SV2B: variants seen among roughly 807,000 people sequenced by gnomAD.
The protein encoded by SV2B is solute carrier family 22 member B2.
A neutral mutation model predicts 73.9 loss-of-function variants in SV2B; 41 were observed. The ratio of observed to expected loss-of-function variants is 0.56; its 90% CI spans 0.43 to 0.72. SV2B has a LOEUF of 0.72. Ranked by LOEUF, SV2B falls within the 30% of genes least tolerant of loss-of-function variation. The pLI is 0.00. For synonymous variants in SV2B, 314 were observed against 314.2 expected, an observed-to-expected ratio of 1.00 and a Z score of 0.01; for missense variants, 764 against 857.8, an observed-to-expected ratio of 0.89 and a Z score of 1.37.
At chr15:91,210,145 A>T (rs113648862) in intron 1 of SV2B, among the ~76,000 whole-genome samples, 1,947 of 152,092 alleles carry the variant, frequency 0.013, 17 homozygotes, top group Non-Finnish European at 0.02. Flanking sequence ...GAATTGGAAC[A>T]CAGTGAGGTG....
chr15:91,171,635 C>G (rs1012404117), intron 1 of SV2B, among the ~76,000 whole-genome samples: 3 of 152,158 alleles, frequency 2.0e-5, no homozygotes, highest in Non-Finnish European at 4.4e-5. Context: ...AACATACAGA[C>G]CCAGCGAAAA....
At position 91,121,579 on chromosome 15, in the gene SV2B, T is replaced by C. The variant is rs1032800379; in HGVS notation, c.-392+21216T>C. Among the ~76,000 whole-genome samples the C allele has an allele frequency of 2.0e-5, 3 of 152,062 alleles. No homozygotes were observed. Among genetic ancestry groups the C allele is most frequent in the Non-Finnish European group, 4.4e-5 (3 of 68,016 alleles). On this transcript the variant is annotated intron_variant, in intron 1 of 12. Transcript: ENST00000394232. This position sits in a 1 kb window ranked among gnomAD's most constrained non-coding sequence, Gnocchi z 4.4. ...TCTGTCTGAAGGTAGACTTGACATG[T>C]GGGCAAACCGAGCAGGGCACCCATT...
At chr15:91,215,817 A>C (rs2046006128) in intron 1 of SV2B, among the ~76,000 whole-genome samples, 1 of 152,220 alleles carries the variant, frequency 6.6e-6, no homozygotes. Context: ...TGTAATAAAT[A>C]ATGTTTTGAT....
chr15:91,148,742 G>T (rs1426311389), intron 1 of SV2B, among the ~76,000 whole-genome samples: 2 of 152,188 alleles, frequency 1.3e-5, no homozygotes, highest in African/African-American at 4.8e-5. Flanking sequence ...AGACCCAGGA[G>T]AGCTGATGGT....
chr15:91,181,333 G>A (rs1339344792), intron 1 of SV2B, among the ~76,000 whole-genome samples: 3 of 152,038 alleles, frequency 2.0e-5, no homozygotes, highest in Admixed American at 1.3e-4. Flanking sequence ...TAGGCTGCTC[G>A]GGGGTCAGGG....
intron 1 of SV2B, among the ~76,000 whole-genome samples, chr15:91,186,716 G>T (rs535372257): frequency 3.9e-5 from 6 of 152,096 alleles, no homozygotes; most frequent in Non-Finnish European, 7.4e-5. Flanking sequence ...AGAAGGCTGT[G>T]GGGGGTGAGG....
At chr15:91,131,661 A>AC (rs1351753485) in intron 1 of SV2B, among the ~76,000 whole-genome samples, 3 of 151,610 alleles carry the variant, frequency 2.0e-5, no homozygotes, top group Non-Finnish European at 2.9e-5. Context: ...GAAAAAAAAA[A>AC]ACAAAAAAAA....
intron 1 of SV2B, among the ~76,000 whole-genome samples, chr15:91,120,601 C>T (rs1376736660): frequency 6.6e-6 from 1 of 151,778 alleles, no homozygotes; most frequent in Non-Finnish European, 1.5e-5. Flanking sequence ...ATCCCTTGAG[C>T]CCGAAAGTTG....
chr15:91,216,795 A>G (rs936099629), intron 1 of SV2B, among the ~76,000 whole-genome samples: 2 of 150,346 alleles, frequency 1.3e-5, no homozygotes, highest in African/African-American at 4.9e-5. Flanking sequence ...AAAGTAAAGC[A>G]TAGCATTAAA....
chr15:91,260,420 G>A lies in SV2B; in HGVS notation c.1008+11G>A, dbSNP rs1445638601. 3 of 1,591,402 alleles carry A rather than the reference G, an allele frequency of 1.9e-6. No individual in the cohort carries two copies. On this transcript the variant is annotated intron_variant, in intron 6 of 12. Coordinates refer to ENST00000394232, the MANE Select transcript of SV2B (RefSeq NM_001323032.3). ...GAGAAAGTGTTCACGGTGAGTGTGG[G>A]GTTGCCTGCCAATAAGAAGGGGGTT...
At chr15:91,188,020 T>C (rs551140572) in intron 1 of SV2B, among the ~76,000 whole-genome samples, 1 of 148,068 alleles carries the variant, frequency 6.8e-6, no homozygotes, top group East Asian at 2.2e-4. Context: ...AATTTGGTAC[T>C]AAAAGCCAAA....
chr15:91,198,723 C>A (rs918416692), intron 1 of SV2B, among the ~76,000 whole-genome samples: 2 of 152,218 alleles, frequency 1.3e-5, no homozygotes, highest in African/African-American at 4.8e-5. Flanking sequence ...AAGCAATAAT[C>A]TGGCTGTGGT....
chr15:91,120,616 C>A (rs1417653434), intron 1 of SV2B, among the ~76,000 whole-genome samples: 1 of 151,878 alleles, frequency 6.6e-6, no homozygotes, highest in Non-Finnish European at 1.5e-5. Context: ...AAGTTGGAAA[C>A]CAGCCTGGGC....
intron 9 of SV2B, among the ~76,000 whole-genome samples, chr15:91,277,403 G>C (rs2048528893): frequency 6.6e-6 from 1 of 152,144 alleles, no homozygotes; most frequent in South Asian, 2.1e-4. Flanking sequence ...TTTTGACAAA[G>C]GCATGCAGTC....
intron 1 of SV2B, among the ~76,000 whole-genome samples, chr15:91,162,230 T>A (rs2043746620): frequency 6.6e-6 from 1 of 152,112 alleles, no homozygotes; most frequent in Non-Finnish European, 1.5e-5. Context: ...AGTAAAATAA[T>A]CCCTCTTCTA....
chr15:91,193,835 A>G (rs1156797018), intron 1 of SV2B, among the ~76,000 whole-genome samples: 1 of 152,204 alleles, frequency 6.6e-6, no homozygotes, highest in Non-Finnish European at 1.5e-5. Context: ...GCAGTCCAGA[A>G]AAAGTTTATA....
rs1013584761 is a variant in SV2B at position 91,239,842 on chromosome 15, C to T, written c.452-11977C>T. Among the ~76,000 whole-genome samples, 13 of 152,264 alleles carry T rather than the reference C, an allele frequency of 8.5e-5. No individual in the cohort carries two copies. Among genetic ancestry groups the T allele is most frequent in the Admixed American group, 3.3e-4 (5 of 15,304 alleles). ...TCAGGGCATGAGGTTGGCATGTCTG[C>T]GATTCTCTTTACTTTCCATGGTGGT... is the stretch of plus-strand genomic sequence containing the variant. On this transcript the variant is annotated intron_variant, in intron 2 of 12. Coordinates refer to ENST00000394232, the MANE Select transcript of SV2B (RefSeq NM_001323032.3). The surrounding 1 kb of genome is among the most constrained non-coding windows in gnomAD (Gnocchi z 5.1).
In SV2B at chr15:91,217,573, A is replaced by G. The variant is rs138269601; in HGVS notation, c.-391-8300A>G. On this transcript the variant is annotated intron_variant, in intron 1 of 12. Transcript: ENST00000394232. ...AGAACTTAAAGTATAATAATAATAA[A>G]AAAGAATAAACAGCCACCAAACTGC... is the stretch of plus-strand genomic sequence containing the variant. Among the ~76,000 whole-genome samples, 28 of 152,342 alleles carry G rather than the reference A, an allele frequency of 1.8e-4. 1 individual carries two copies. Among genetic ancestry groups the G allele is most frequent in the African/African-American group, 6.3e-4 (26 of 41,576 alleles).
intron 9 of SV2B, among the ~76,000 whole-genome samples, chr15:91,276,039 G>T (rs1325787473): frequency 6.7e-6 from 1 of 148,440 alleles, no homozygotes; most frequent in Non-Finnish European, 1.5e-5. Context: ...AAATATTTTT[G>T]CTGGGTATAA....
Sources: gnomAD v4.1 joint callset for allele counts (sites outside exome capture counted in the v4.1 genomes callset) on GRCh38, gnomAD v4.1.1 for gene constraint, Gnocchi (gnomAD v3.1) non-coding constraint, MANE v1.5 for transcripts, NCBI Gene and HGNC (gene_info 2026-07-23, HGNC 2026-07-21) for gene names.